The following ROBO1 variants were observed in gnomAD, a reference collection of about 807,000 sequenced individuals.
ROBO1 encodes the protein roundabout guidance receptor 1, also known as roundabout homolog 1.
ROBO1 carries 149 observed loss-of-function variants against 195.9 expected under a neutral mutation model. The observed-to-expected ratio is 0.76, with a 90% confidence interval of 0.67 to 0.87. The LOEUF (loss-of-function observed/expected upper bound fraction) is 0.87. ROBO1 is among the 40% of genes least tolerant of loss of function. The probability of loss-of-function intolerance (pLI) is 0.00; values close to 1 mark genes in which losing one functional copy is unlikely to be tolerated. For missense variants in ROBO1, 1,933 were observed against 2,068.3 expected (o/e 0.93, Z 1.27); for synonymous variants, 816 against 733.2 (o/e 1.11, Z -1.82).
intron 1 of ROBO1, among the ~76,000 whole-genome samples, chr3:79,743,754 TTTTTTG>T (rs1703750142): frequency 6.6e-6 from 1 of 152,196 alleles, no homozygotes; most frequent in Admixed American, 6.5e-5. Context: ...ACTTTTAAAC[TTTTTTG>T]TTTAAAAGTA....
intron 2 of ROBO1, among the ~76,000 whole-genome samples, chr3:79,571,934 AC>A: frequency 6.6e-6 from 1 of 152,240 alleles, no homozygotes; most frequent in Non-Finnish European, 1.5e-5. Context: ...ATTGCTCAAT[AC>A]AAGTTTGCAG....
At chr3:79,085,458 A>G (rs1164990406) in intron 3 of ROBO1, among the ~76,000 whole-genome samples, 1 of 152,144 alleles carries the variant, frequency 6.6e-6, no homozygotes, top group Non-Finnish European at 1.5e-5. Flanking sequence ...CATGAAAGAG[A>G]CCTGATTGAA....
intron 26 of ROBO1, among the ~76,000 whole-genome samples, chr3:78,626,194 T>C (rs956167284): frequency 6.6e-6 from 1 of 152,162 alleles, no homozygotes; most frequent in East Asian, 1.9e-4. Flanking sequence ...TAGTCTCTCA[T>C]TGGCTTCTAA....
In ROBO1 at chr3:79,276,843, A is replaced by C. The variant is rs190374706; in HGVS notation, c.89-151304T>G. Among the ~76,000 whole-genome samples, 249 of 152,220 alleles carry C rather than the reference A, an allele frequency of 1.6e-3. 2 individuals are homozygous for C. In the Middle Eastern group the frequency reaches 0.02, roughly 12 times the overall value. ...CATATTTCTCCAAAGAAGACATACAAATGGCAACAGGTTTATGAAAAAGTG... is the reference window on the plus strand; with the variant it reads ...CATATTTCTCCAAAGAAGACATACACATGGCAACAGGTTTATGAAAAAGTG... On this transcript the variant is annotated intron_variant, in intron 2 of 30. Transcript: ENST00000464233.
chr3:78,622,275 T>G (rs1038420571), intron 26 of ROBO1, among the ~76,000 whole-genome samples: 5 of 152,182 alleles, frequency 3.3e-5, no homozygotes, highest in Non-Finnish European at 7.4e-5. Flanking sequence ...TTTATATAAT[T>G]CGACTTGCAG....
Position 78,945,669 on chromosome 3 carries a change from G to C in ROBO1, c.173-6742C>G, listed in dbSNP as rs538167821. Reference sequence around the variant, plus strand: ...CAGCAACGGAACAAAACTGGATGGAGAATGACTTTGACAAATTGAGAGAAG... The same window carrying C: ...CAGCAACGGAACAAAACTGGATGGACAATGACTTTGACAAATTGAGAGAAG... On this transcript the variant is annotated intron_variant, in intron 3 of 30. Coordinates refer to ENST00000464233, the MANE Select transcript of ROBO1 (RefSeq NM_002941.4). Among the ~76,000 whole-genome samples the C allele has an allele frequency of 3.9e-5, 6 of 152,272 alleles. No individual in the cohort carries two copies. In the East Asian group the frequency reaches 1.2e-3, roughly 29 times the overall value.
chr3:78,895,803 A>G (rs1277533646), intron 4 of ROBO1, among the ~76,000 whole-genome samples: 2 of 152,180 alleles, frequency 1.3e-5, no homozygotes, highest in African/African-American at 4.8e-5. Flanking sequence ...ACACATTTTA[A>G]AACAAAAATC....
intron 2 of ROBO1, among the ~76,000 whole-genome samples, chr3:79,222,709 T>G (rs2108830516): frequency 6.6e-6 from 1 of 152,192 alleles, no homozygotes; most frequent in East Asian, 1.9e-4. Context: ...CATTAAGATT[T>G]ATGTTTCTAA....
intron 4 of ROBO1, among the ~76,000 whole-genome samples, chr3:78,762,661 C>T (rs1042740063): frequency 3.3e-5 from 5 of 151,956 alleles, no homozygotes; most frequent in African/African-American, 1.2e-4. Context: ...GCAATTTCCT[C>T]TTTAACTTCC....
chr3:79,686,771 T>C lies in ROBO1; in HGVS notation c.-51+80981A>G, dbSNP rs545775886. On this transcript the variant is annotated intron_variant, in intron 1 of 30. Transcript: ENST00000464233. ...TGCTCATGGGTAGGAAGAATCAATA[T>C]CATGAAAATAGCCATACTGCCTAAG... Among the ~76,000 whole-genome samples the C allele has an allele frequency of 8.5e-4, 130 of 152,192 alleles. 1 individual carries two copies. Among genetic ancestry groups the C allele is most frequent in the African/African-American group, 2.9e-3 (122 of 41,522 alleles).
chr3:79,009,522 T>C (rs1452813478), intron 3 of ROBO1, among the ~76,000 whole-genome samples: 1 of 152,276 alleles, frequency 6.6e-6, no homozygotes, highest in East Asian at 1.9e-4. Flanking sequence ...ACAACAGCCA[T>C]AGTCAGAAAC....
At chr3:79,319,890 T>C (rs763255772) in intron 2 of ROBO1, among the ~76,000 whole-genome samples, 3 of 152,130 alleles carry the variant, frequency 2.0e-5, no homozygotes, top group African/African-American at 4.8e-5. Flanking sequence ...GTGTTCTCCA[T>C]ACACTCTTTC....
intron 2 of ROBO1, among the ~76,000 whole-genome samples, chr3:79,135,116 T>C (rs115922089): frequency 1.3e-5 from 2 of 152,096 alleles, no homozygotes. Context: ...AACATAGTCA[T>C]CATGTTGTAT....
chr3:79,147,017 A>G (rs1465425033), intron 2 of ROBO1, among the ~76,000 whole-genome samples: 1 of 151,996 alleles, frequency 6.6e-6, no homozygotes, highest in Non-Finnish European at 1.5e-5. Flanking sequence ...AATAAGTATT[A>G]ACATATCCAA....
intron 2 of ROBO1, among the ~76,000 whole-genome samples, chr3:79,161,533 GA>G (rs1053608463): frequency 2.0e-5 from 3 of 151,746 alleles, no homozygotes; most frequent in African/African-American, 7.3e-5. Context: ...GAGGGTCTTT[GA>G]AAAAAAGAAA....
intron 2 of ROBO1, among the ~76,000 whole-genome samples, chr3:79,532,787 C>CTG (rs1186072315): frequency 3.3e-5 from 5 of 152,126 alleles, no homozygotes; most frequent in Non-Finnish European, 5.9e-5. Context: ...ATATCAGGAG[C>CTG]AATTCAGACA....
intron 2 of ROBO1, among the ~76,000 whole-genome samples, chr3:79,360,308 G>C (rs2035717662): frequency 1.3e-5 from 2 of 151,816 alleles, no homozygotes; most frequent in Non-Finnish European, 2.9e-5. Flanking sequence ...TTTATAAAGG[G>C]AAAAGACATG....
intron 10 of ROBO1, among the ~76,000 whole-genome samples, chr3:78,675,519 C>T (rs1273966342): frequency 6.6e-5 from 10 of 152,282 alleles, no homozygotes; most frequent in South Asian, 4.1e-4. Flanking sequence ...GATTATATCC[C>T]GCACTTGGCT....
chr3:78,925,076 A>G (rs1055243474), intron 4 of ROBO1, among the ~76,000 whole-genome samples: 3 of 152,130 alleles, frequency 2.0e-5, no homozygotes, highest in African/African-American at 7.2e-5. Context: ...ATGTTAGGTT[A>G]TTAAAGTAAA....
Sources: gnomAD v4.1 joint callset for allele counts (sites outside exome capture counted in the v4.1 genomes callset) on GRCh38, gnomAD v4.1.1 for gene constraint, MANE v1.5 for transcripts, NCBI Gene and HGNC (gene_info 2026-07-23, HGNC 2026-07-21) for gene names.